Variants in KLF12 observed in about 807,000 individuals in gnomAD.
The protein encoded by KLF12 is KLF transcription factor 12.
In KLF12, 9 loss-of-function variants were observed where a neutral mutation model predicts 37.8. The ratio of observed to expected loss-of-function variants is 0.24; its 90% CI spans 0.14 to 0.42. The LOEUF (loss-of-function observed/expected upper bound fraction) is 0.42, where lower values mean the gene tolerates loss of function less well. Ranked by LOEUF, KLF12 falls within the 10% of genes least tolerant of loss-of-function variation. The probability of loss-of-function intolerance (pLI) is 1.00; values close to 1 mark genes in which losing one functional copy is unlikely to be tolerated. For missense variants in KLF12, 411 were observed against 516.0 expected (o/e 0.80, Z 1.97); for synonymous variants, 208 against 202.1 (o/e 1.03, Z -0.25).
intron 3 of KLF12, among the ~76,000 whole-genome samples, chr13:73,851,672 T>C (rs1415578562): frequency 6.6e-6 from 1 of 152,198 alleles, no homozygotes. Context: ...CAGGAGCATA[T>C]TTGTTTCTTG....
intron 3 of KLF12, among the ~76,000 whole-genome samples, chr13:73,926,923 T>G (rs1271184389): frequency 1.5e-5 from 2 of 131,738 alleles, no homozygotes; most frequent in Non-Finnish European, 3.3e-5. Flanking sequence ...AGCACTCAAC[T>G]CCGTGTCTCC....
At chr13:73,817,423 G>C (rs1163620129) in intron 4 of KLF12, among the ~76,000 whole-genome samples, 2 of 151,120 alleles carry the variant, frequency 1.3e-5, no homozygotes, top group African/African-American at 4.9e-5. Flanking sequence ...TTGTAGGGCA[G>C]CAATAAAAAG....
chr13:74,165,578 A>C, the KLF12 span, among the ~76,000 whole-genome samples: 1 of 152,042 alleles, frequency 6.6e-6, no homozygotes, highest in African/African-American at 2.4e-5. Flanking sequence ...GAATTACAGG[A>C]GTGAGCCACC....
intron 6 of KLF12, among the ~76,000 whole-genome samples, chr13:73,748,163 T>G (rs1016463937): frequency 3.3e-5 from 5 of 152,230 alleles, no homozygotes; most frequent in African/African-American, 1.2e-4. Flanking sequence ...AGCAAATTAC[T>G]GATTCCAGGG....
intron 1 of KLF12, among the ~76,000 whole-genome samples, chr13:74,020,100 G>A (rs1802711129): frequency 6.6e-6 from 1 of 152,170 alleles, no homozygotes; most frequent in African/African-American, 2.4e-5. Context: ...GACTTTACAT[G>A]TCTCATATTT....
At chr13:74,165,709 T>C in the KLF12 span, among the ~76,000 whole-genome samples, 2 of 152,228 alleles carry the variant, frequency 1.3e-5, no homozygotes, top group Admixed American at 6.5e-5. Context: ...TACTACTGTA[T>C]TCTTTTGGAG....
At chr13:74,010,823 A>G (rs1341581612) in intron 1 of KLF12, among the ~76,000 whole-genome samples, 3 of 152,238 alleles carry the variant, frequency 2.0e-5, no homozygotes, top group Admixed American at 2.0e-4. Flanking sequence ...AGAAACATGC[A>G]TTAATGTCAC....
the KLF12 span, among the ~76,000 whole-genome samples, chr13:74,217,379 A>G: frequency 1.3e-5 from 2 of 152,048 alleles, no homozygotes; most frequent in African/African-American, 4.8e-5. Flanking sequence ...TTTTAAAAGT[A>G]TAAAATGTCC....
intron 7 of KLF12, 47 bp from the exon 8 acceptor site, chr13:73,695,718 T>G (rs1386216680): frequency 6.4e-7 from 1 of 1,572,046 alleles, no homozygotes; most frequent in African/African-American, 1.3e-5. Flanking sequence ...ATCCATCACT[T>G]TGCCATAACC....
At chr13:74,205,012 C>T in the KLF12 span, among the ~76,000 whole-genome samples, 1 of 152,080 alleles carries the variant, frequency 6.6e-6, no homozygotes. Flanking sequence ...AGTTATTTTC[C>T]CATTTACTCT....
At chr13:73,849,953 T>C (rs984916544) in intron 3 of KLF12, among the ~76,000 whole-genome samples, 1 of 152,184 alleles carries the variant, frequency 6.6e-6, no homozygotes, top group Non-Finnish European at 1.5e-5. Context: ...AACATGAAGA[T>C]TGTATAAGAA....
At chr13:73,827,998 T>G (rs1398594657) in intron 4 of KLF12, among the ~76,000 whole-genome samples, 1 of 152,236 alleles carries the variant, frequency 6.6e-6, no homozygotes, top group Non-Finnish European at 1.5e-5. Flanking sequence ...CAAAGGTATA[T>G]TCTTTATGAG....
At chr13:73,954,164 G>C (rs886442917) in intron 2 of KLF12, among the ~76,000 whole-genome samples, 3 of 151,504 alleles carry the variant, frequency 2.0e-5, no homozygotes, top group Admixed American at 2.0e-4. Flanking sequence ...ATTTTTAGTA[G>C]AGGCGGGGTT....
chr13:74,011,878 A>G (rs1720942632), intron 1 of KLF12, among the ~76,000 whole-genome samples: 1 of 152,164 alleles, frequency 6.6e-6, no homozygotes, highest in Non-Finnish European at 1.5e-5. Context: ...TTAAATTTCA[A>G]CTATGTCTTT....
chr13:74,008,161 G>A (rs1892462995), intron 1 of KLF12, among the ~76,000 whole-genome samples: 1 of 152,116 alleles, frequency 6.6e-6, no homozygotes, highest in Admixed American at 6.5e-5. Context: ...TACAATTTTT[G>A]CACTTTTTAT....
the KLF12 span, among the ~76,000 whole-genome samples, chr13:74,213,842 C>T: frequency 6.6e-6 from 1 of 152,064 alleles, no homozygotes; most frequent in South Asian, 2.1e-4. Context: ...TGGGCATTTA[C>T]TTTCTTATAT....
chr13:73,818,172 G>A (rs964946384), intron 4 of KLF12, among the ~76,000 whole-genome samples: 1 of 150,420 alleles, frequency 6.6e-6, no homozygotes, highest in Non-Finnish European at 1.5e-5. Context: ...TTCAGATGGA[G>A]TCTTACTCTG....
chr13:74,267,384 G>A, the KLF12 span, among the ~76,000 whole-genome samples: 1 of 152,178 alleles, frequency 6.6e-6, no homozygotes, highest in African/African-American at 2.4e-5. Context: ...ATATATACAG[G>A]ATGGAATATT....
intron 2 of KLF12, among the ~76,000 whole-genome samples, chr13:73,982,128 C>T (rs1478660803): frequency 6.6e-6 from 1 of 152,170 alleles, no homozygotes; most frequent in Admixed American, 6.5e-5. Flanking sequence ...TAAACAAGAA[C>T]TTTCAAAGTC....
Sources: allele counts gnomAD v4.1 joint callset (sites outside exome capture counted in the v4.1 genomes callset), GRCh38; gene constraint gnomAD v4.1.1; transcripts MANE v1.5; gene names NCBI Gene and HGNC (gene_info 2026-07-23, HGNC 2026-07-21).